Variants in PSMB1 observed in about 807,000 individuals in gnomAD.
The protein encoded by PSMB1 is proteasome 20S subunit beta 1, also known as proteasome subunit beta type-1.
Under a neutral mutation model 25.4 loss-of-function variants are expected in PSMB1, and 7 were observed. The ratio of observed to expected loss-of-function variants is 0.28; its 90% confidence interval spans 0.16 to 0.52. PSMB1 has a LOEUF of 0.52. Ranked by LOEUF, PSMB1 falls within the 20% of genes least tolerant of loss-of-function variation. The pLI, the probability that PSMB1 is intolerant of heterozygous loss-of-function variation, is 0.97. For missense variants in PSMB1, 284 were observed against 302.2 expected, an observed-to-expected ratio of 0.94 and a Z score of 0.45; for synonymous variants, 119 against 115.0, an observed-to-expected ratio of 1.03 and a Z score of -0.22.
intron 3 of PSMB1, among the ~76,000 whole-genome samples, chr6:170,544,823 C>T (rs1268097428): frequency 6.6e-6 from 1 of 152,024 alleles, no homozygotes; most frequent in Non-Finnish European, 1.5e-5. Flanking sequence ...AGAGGAATGC[C>T]TTTCCAAGAT....
intron 2 of PSMB1, among the ~76,000 whole-genome samples, chr6:170,548,677 C>A (rs1322696189): frequency 6.6e-6 from 1 of 152,132 alleles, no homozygotes; most frequent in African/African-American, 2.4e-5. Flanking sequence ...CATGAATGGA[C>A]ATTATCACAG....
chr6:170,547,636 C>G (rs558524378), intron 2 of PSMB1, among the ~76,000 whole-genome samples: 4 of 152,256 alleles, frequency 2.6e-5, no homozygotes, highest in Non-Finnish European at 5.9e-5. Flanking sequence ...CCTTTACTGA[C>G]AAGATTGGTT....
intron 5 of PSMB1, chr6:170,536,584 CA>C: frequency 2.3e-6 from 1 of 434,454 alleles, no homozygotes; most frequent in Non-Finnish European, 4.6e-6. Context: ...TGTAAACTTA[CA>C]GTATCAACAA....
intron 1 of PSMB1, among the ~76,000 whole-genome samples, chr6:170,551,713 C>T (rs1367602590): frequency 1.3e-5 from 2 of 152,186 alleles, no homozygotes; most frequent in African/African-American, 4.8e-5. Flanking sequence ...CATCCATAAA[C>T]TCAGTGGTGA....
chr6:170,545,674 A>G lies in PSMB1; in HGVS notation c.303+429T>C, dbSNP rs558646120. 8.5e-5 allele frequency among the ~76,000 whole-genome samples: 13 copies of G among 152,210 alleles called. No individual in the cohort carries two copies. In the South Asian group the frequency reaches 2.7e-3, roughly 32 times the overall value. On this transcript the variant is annotated intron_variant, in intron 3 of 5. Coordinates refer to ENST00000262193, the MANE Select transcript of PSMB1 (RefSeq NM_002793.4). ...AGCTTATTCATTCTTTCGTATTTCT[A>G]CTCATGCATCCTGCCAACTAAGAGC... is the stretch of plus-strand genomic sequence containing the variant.
rs535548081 is a variant in PSMB1, at chr6:170,536,076, C to T, written c.541-671G>A. ...AGCCAGCAGTAATCACAAAGAGGGA[C>T]GAATTAGAAATACAGGCGGCCTTTG... is the stretch of plus-strand genomic sequence containing the variant. On this transcript the variant is annotated intron_variant, in intron 5 of 5. Transcript: ENST00000262193. Among the ~76,000 whole-genome samples the T allele has an allele frequency of 2.0e-5, 3 of 152,182 alleles. No individual in the cohort carries two copies. The East Asian group carries it at 5.8e-4, about 29-fold the overall frequency.
In PSMB1 at chr6:170,543,749, G is replaced by A. The variant is rs760691688; in HGVS notation, c.304-19C>T. On this transcript the variant is annotated intron_variant, in intron 3 of 5. Transcript: ENST00000262193. The stretch of plus-strand genomic sequence containing the variant: ...TATACATCTGCAATTATTGATAAAA[G>A]TCACAGGCATGTAGAGGCAGAGGCC... The A allele has an allele frequency of 6.3e-7, 1 of 1,599,702 alleles. No individual in the cohort carries two copies. The highest frequency in any genetic ancestry group is 1.7e-5 in the Admixed American group (1 of 57,812).
intron 5 of PSMB1, 63 bp downstream of exon 5, chr6:170,537,171 C>T: frequency 8.0e-7 from 1 of 1,256,942 alleles, no homozygotes; most frequent in Admixed American, 1.7e-5. Flanking sequence ...TGGAGGAAGG[C>T]ACTTCAACTG....
chr6:170,553,273 G>T lies in PSMB1; in HGVS notation c.-31C>A. ...GGCTGCGCCTGCGGATCCGACACTT[G>T]CTGTCTCACGGCGAGATGGCTGCCT... is the stretch of plus-strand genomic sequence containing the variant. On this transcript the variant is annotated 5_prime_UTR_variant, in exon 1 of 6. Transcript: ENST00000262193. 6.5e-7 allele frequency: 1 copy of T among 1,531,248 alleles called. No homozygotes were observed. 94.9% of individuals were successfully genotyped at this position (1,531,248 alleles called of 1,614,324 possible). A position where few individuals can be genotyped will look rare whatever the true frequency, so the allele number is the denominator to read the frequency against.
At chr6:170,550,627 T>A (rs3778589) in intron 1 of PSMB1, among the ~76,000 whole-genome samples, 2 of 151,952 alleles carry the variant, frequency 1.3e-5, no homozygotes, top group Non-Finnish European at 2.9e-5. Flanking sequence ...GCTCTGACAA[T>A]AACATAGTAT....
chr6:170,543,570 C>A (rs529002039), intron 4 of PSMB1, 31 bp downstream of exon 4: 4 of 1,573,796 alleles, frequency 2.5e-6, no homozygotes, highest in Non-Finnish European at 3.5e-6. Flanking sequence ...ACTCCTCCCC[C>A]CCACCATTTT....
At chr6:170,548,239 C>T (rs1012926401) in intron 2 of PSMB1, among the ~76,000 whole-genome samples, 2 of 152,198 alleles carry the variant, frequency 1.3e-5, no homozygotes, top group African/African-American at 4.8e-5. Flanking sequence ...GAGGGTCCAT[C>T]CAAAGGACCT....
chr6:170,538,847 C>CA (rs1459593427), intron 4 of PSMB1, among the ~76,000 whole-genome samples: 1 of 151,870 alleles, frequency 6.6e-6, no homozygotes, highest in African/African-American at 2.4e-5. Context: ...CCTCAATATA[C>CA]AAAAAAAGAA....
At position 170,537,845 on chromosome 6, in the gene PSMB1, C is replaced by T. The variant is rs1425081970; in HGVS notation, c.434-505G>A. Reference sequence around the variant, plus strand: ...GAGATGGTGAGGTTTCTGTAGGACACATCAGCCAAACTCAAACAGTCATTT... The same window carrying T: ...GAGATGGTGAGGTTTCTGTAGGACATATCAGCCAAACTCAAACAGTCATTT... On this transcript the variant is annotated intron_variant, in intron 4 of 5. Coordinates refer to ENST00000262193, the MANE Select transcript of PSMB1 (RefSeq NM_002793.4). Among the ~76,000 whole-genome samples the T allele has an allele frequency of 4.6e-5, 7 of 152,154 alleles. 1 individual carries two copies. Among genetic ancestry groups the T allele is most frequent in the Admixed American group, 1.3e-4 (2 of 15,284 alleles).
intron 1 of PSMB1, chr6:170,549,414 A>G (rs1778863436): frequency 3.6e-6 from 1 of 276,104 alleles, no homozygotes; most frequent in South Asian, 7.0e-5. Context: ...TACTACTAAT[A>G]CAGAACAACT....
chr6:170,551,176 G>C (rs1583118193), intron 1 of PSMB1, among the ~76,000 whole-genome samples: 1 of 151,924 alleles, frequency 6.6e-6, no homozygotes, highest in African/African-American at 2.4e-5. Flanking sequence ...GGAGATGAAG[G>C]GGAATAATTA....
chr6:170,552,964 G>A (rs768517619), intron 1 of PSMB1, among the ~76,000 whole-genome samples, 166 bp downstream of exon 1: 9 of 152,262 alleles, frequency 5.9e-5, no homozygotes, highest in South Asian at 2.1e-4. Context: ...GAAACACAGG[G>A]CATGAGAGGA....
At position 170,548,895 on chromosome 6, in the gene PSMB1, T is replaced by C; in HGVS notation, c.221+111A>G. 4.0e-6 allele frequency: 3 copies of C among 756,144 alleles called. No individual in the cohort carries two copies. In the East Asian group the frequency reaches 8.1e-5, roughly 20 times the overall value. 46.8% of individuals were successfully genotyped at this position (756,144 alleles called of 1,614,324 possible). A position where few individuals can be genotyped will look rare whatever the true frequency, so the allele number is the denominator to read the frequency against. ...GAAAATGGTTTTCTAATAAAAATGC[T>C]CCCAACAGCAACTTAAAAACTCATG... On this transcript the variant is annotated intron_variant, in intron 2 of 5. Transcript: ENST00000262193.
chr6:170,538,499 G>C (rs1049670494), intron 4 of PSMB1, among the ~76,000 whole-genome samples: 2 of 152,164 alleles, frequency 1.3e-5, no homozygotes, highest in East Asian at 1.9e-4. Context: ...AGGAGTTCGA[G>C]ATCAGCCTGG....
Sources: gnomAD v4.1 joint callset for allele counts (sites outside exome capture counted in the v4.1 genomes callset) on GRCh38, gnomAD v4.1.1 for gene constraint, MANE v1.5 for transcripts, NCBI Gene and HGNC (gene_info 2026-07-23, HGNC 2026-07-21) for gene names.